SENP8: variants seen among roughly 807,000 people sequenced by gnomAD.
The protein encoded by SENP8 is sentrin-specific protease 8.
A neutral mutation model predicts 14.4 loss-of-function variants in SENP8; 10 were observed. The ratio of observed to expected loss-of-function variants is 0.69; its 90% CI spans 0.43 to 1.18. The LOEUF (loss-of-function observed/expected upper bound fraction) is 1.18. SENP8 is among the 50% of genes most tolerant of loss of function. The pLI, the probability that SENP8 is intolerant of heterozygous loss-of-function variation, is 0.00. For synonymous variants in SENP8, 94 were observed against 95.5 expected, an observed-to-expected ratio of 0.98 and a Z score of 0.09; for missense variants, 202 against 249.4, an observed-to-expected ratio of 0.81 and a Z score of 1.28.
chr15:72,117,772 G>A (rs2081053399), upstream of SENP8: 2 of 398,026 alleles, frequency 5.0e-6, no homozygotes, highest in African/African-American at 2.1e-5. Context: ...GGAGATGGCA[G>A]AAGAGGCCGA....
intron 1 of SENP8, among the ~76,000 whole-genome samples, chr15:72,135,958 A>C (rs1358992198): frequency 1.3e-5 from 2 of 152,186 alleles, no homozygotes; most frequent in African/African-American, 4.8e-5. Flanking sequence ...ACAAGTATGC[A>C]GTGTTTATTG....
intron 1 of SENP8, among the ~76,000 whole-genome samples, chr15:72,130,172 A>G (rs1596648858): frequency 6.6e-6 from 1 of 152,342 alleles, no homozygotes; most frequent in African/African-American, 2.4e-5. Flanking sequence ...CCTGAGCAAG[A>G]AGAGCGAAAT....
At chr15:72,129,998 C>T (rs1338602379) in intron 1 of SENP8, among the ~76,000 whole-genome samples, 3 of 151,886 alleles carry the variant, frequency 2.0e-5, no homozygotes, top group Non-Finnish European at 4.4e-5. Context: ...CCAGCCTGGC[C>T]AACATGGTGA....
At chr15:72,116,544 TTTA>T (rs200725617), upstream of SENP8, among the ~76,000 whole-genome samples, 2,031 of 152,246 alleles carry the variant, frequency 0.013, 25 homozygotes, top group African/African-American at 0.023. Flanking sequence ...GCAACAGAAG[TTTA>T]TTATTAAACC....
At chr15:72,125,833 TA>T (rs1169581575) in intron 1 of SENP8, among the ~76,000 whole-genome samples, 1 of 151,962 alleles carries the variant, frequency 6.6e-6, no homozygotes, top group Non-Finnish European at 1.5e-5. Context: ...TTTATTTATT[TA>T]TTTTTTTGAG....
At chr15:72,128,269 C>T (rs750250963) in intron 1 of SENP8, among the ~76,000 whole-genome samples, 1 of 152,184 alleles carries the variant, frequency 6.6e-6, no homozygotes, top group Non-Finnish European at 1.5e-5. Flanking sequence ...CATAAGACAC[C>T]AATAAATATA....
rs1021434766 is a variant in SENP8 at position 72,142,324 on chromosome 15, T to G, written c.*2062T>G. 7.2e-5 allele frequency: 11 copies of G among 152,210 alleles called. No individual in the cohort carries two copies. The highest frequency in any genetic ancestry group is 2.7e-4 in the African/African-American group (11 of 41,462). 9.4% of individuals were successfully genotyped at this position (152,210 alleles called of 1,614,324 possible). A position where few individuals can be genotyped will look rare whatever the true frequency, so the allele number is the denominator to read the frequency against. On this transcript the variant is annotated 3_prime_UTR_variant, in exon 2 of 2. Transcript: ENST00000340912. ...ATAAATTGCAGGAGAATTTAAGAAT[T>G]GACTTGTATTTCACTGGATACTATA... is the stretch of plus-strand genomic sequence containing the variant.
Position 72,140,242 on chromosome 15 carries a change from A to G in SENP8, c.619A>G (p.Thr207Ala), listed in dbSNP as rs930871. The change falls in exon 2 of 2, where the codon ACC becomes GCC. Residue 207 changes from threonine (T) to alanine (A), a missense_variant. Thr to Ala is a moderately conservative substitution (Grantham distance 58). Coordinates refer to ENST00000340912, the MANE Select transcript of SENP8 (RefSeq NM_145204.4). ...GAGGGGAGAATGGAAAGATCTCATT[A>G]CCACACTTGCTAAAAAGTAGCTATT... ...KKRGEWKDLITTLAKK is the reference protein window; with the variant it reads ...KKRGEWKDLIATLAKK 1,598,647 of 1,613,100 alleles carry G rather than the reference A, an allele frequency of 0.99. 793,132 individuals are homozygous for G. The highest frequency in any genetic ancestry group is 1 in the East Asian group (44,884 of 44,884).
At chr15:72,118,187 G>T (rs1596634042), upstream of SENP8, 1 of 362,038 alleles carries the variant, frequency 2.8e-6, no homozygotes, top group Non-Finnish European at 4.9e-6. Flanking sequence ...AGCACGGGTC[G>T]GCCCCGCCCT....
In SENP8 at chr15:72,139,981, T is replaced by C. The variant is rs1004123905; in HGVS notation, c.358T>C (p.Ser120Pro). ...QDKNSFFHYD[S>P]HSRSNSVHAK... ...TAAAAATAGCTTTTTTCATTATGATTCCCATAGCAGGAGCAACTCAGTTCA... is the reference window on the plus strand; with the variant it reads ...TAAAAATAGCTTTTTTCATTATGATCCCCATAGCAGGAGCAACTCAGTTCA... The change falls in exon 2 of 2, where the codon TCC (serine) becomes CCC (proline). Residue 120 changes from serine to proline, a missense_variant. Ser to Pro is a moderately conservative substitution (Grantham distance 74, BLOSUM62 -1). Transcript: ENST00000340912. The C allele has an allele frequency of 1.2e-6, 2 of 1,614,068 alleles. No homozygotes were observed. The highest frequency in any genetic ancestry group is 1.7e-6 in the Non-Finnish European group (2 of 1,180,038).
chr15:72,128,115 G>A (rs2081238089), intron 1 of SENP8, among the ~76,000 whole-genome samples: 1 of 151,594 alleles, frequency 6.6e-6, no homozygotes, highest in Non-Finnish European at 1.5e-5. Flanking sequence ...GGAAAGGGGA[G>A]AGGGGAGAGA....
At chr15:72,114,555 G>C (rs1052186238), upstream of SENP8, 7 of 152,136 alleles carry the variant, frequency 4.6e-5, no homozygotes, top group African/African-American at 1.7e-4. Flanking sequence ...TAGGAAATCG[G>C]GGGGAAGAAA....
intron 1 of SENP8, among the ~76,000 whole-genome samples, chr15:72,137,789 A>T (rs980408939): frequency 6.6e-6 from 1 of 152,016 alleles, no homozygotes; most frequent in Non-Finnish European, 1.5e-5. Flanking sequence ...TGGCTAACAC[A>T]GTGAAACCCC....
At chr15:72,123,537 G>A (rs192819477) in intron 1 of SENP8, among the ~76,000 whole-genome samples, 1 of 151,636 alleles carries the variant, frequency 6.6e-6, no homozygotes, top group South Asian at 2.1e-4. Flanking sequence ...AATTACAAAT[G>A]GAACTTTTTT....
In SENP8 at chr15:72,140,358, A is replaced by G; in HGVS notation, c.*96A>G. 1 of 821,110 alleles carries G rather than the reference A, an allele frequency of 1.2e-6. No individual in the cohort carries two copies. Among genetic ancestry groups the G allele is most frequent in the Non-Finnish European group, 2.0e-6 (1 of 502,896 alleles). The allele number at this position is 821,110 out of a possible 1,614,324, so 50.9% of individuals were successfully genotyped here. On this transcript the variant is annotated 3_prime_UTR_variant, in exon 2 of 2. Transcript: ENST00000340912. The stretch of plus-strand genomic sequence containing the variant: ...TCTCAGTGCCTGAGGGAAGATGCCT[A>G]GTAGAGGAAAGCTTAATACTCTTTT...
chr15:72,114,941 A>G (rs1474320810), upstream of SENP8, among the ~76,000 whole-genome samples: 1 of 152,216 alleles, frequency 6.6e-6, no homozygotes, highest in African/African-American at 2.4e-5. Flanking sequence ...AGACTGAACA[A>G]ACTTCCACAT....
intron 1 of SENP8, among the ~76,000 whole-genome samples, chr15:72,130,104 C>T (rs1444631893): frequency 6.6e-6 from 1 of 152,082 alleles, no homozygotes; most frequent in African/African-American, 2.4e-5. Context: ...GCAGGAGAAT[C>T]ACTTGAACCT....
intron 1 of SENP8, among the ~76,000 whole-genome samples, chr15:72,129,936 C>T (rs879377378): frequency 6.6e-6 from 1 of 151,972 alleles, no homozygotes; most frequent in East Asian, 1.9e-4. Context: ...CCTATAATCC[C>T]AGCATTTTGG....
At chr15:72,134,264 A>G (rs1051454530) in intron 1 of SENP8, among the ~76,000 whole-genome samples, 1 of 152,196 alleles carries the variant, frequency 6.6e-6, no homozygotes, top group Non-Finnish European at 1.5e-5. Context: ...CAAATACCAC[A>G]TGATAAAGGT....
Sources: allele counts gnomAD v4.1 joint callset (sites outside exome capture counted in the v4.1 genomes callset), GRCh38; gene constraint gnomAD v4.1.1; transcripts MANE v1.5; gene names NCBI Gene and HGNC (gene_info 2026-07-23, HGNC 2026-07-21).